PRRG1: variants seen among roughly 807,000 people sequenced by gnomAD.
PRRG1 encodes proline rich and Gla domain 1.
In PRRG1, 5 loss-of-function variants were observed where a neutral mutation model predicts 11.8. The observed-to-expected ratio is 0.42, with a 90% confidence interval of 0.22 to 0.89. The LOEUF is 0.89. PRRG1 is among the 40% of genes least tolerant of loss of function. PRRG1 has a pLI of 0.28. For missense variants in PRRG1, 155 were observed against 166.1 expected (o/e 0.93, Z 0.37); for synonymous variants, 66 against 60.4 (o/e 1.09, Z -0.43).
chrX:37,365,505 T>C (rs1930546932), intron 1 of PRRG1, among the ~76,000 whole-genome samples: 1 of 111,916 alleles, frequency 8.9e-6, no homozygotes, highest in Admixed American at 9.4e-5. Context: ...CCAACAAACT[T>C]CTAGCCTCCT....
intron 3 of PRRG1, among the ~76,000 whole-genome samples, chrX:37,446,420 TG>T (rs1933076489): frequency 8.9e-6 from 1 of 112,061 alleles, no homozygotes; most frequent in South Asian, 3.7e-4. Flanking sequence ...ATGGGTTACC[TG>T]TACCTGTTGA....
chrX:37,453,608 C>T lies in PRRG1; in HGVS notation c.644C>T (p.Thr215Ile), dbSNP rs1556397421. Residue 215 changes from threonine (T) to isoleucine (I), a missense_variant, in exon 4 of 4, where the codon ACC becomes ATC. Coordinates refer to ENST00000378628, the MANE Select transcript of PRRG1 (RefSeq NM_001142395.2). ...ASAIPMVPVV[T>I]TIK ...GCCATTCCTATGGTGCCTGTGGTCACCACCATCAAATGAAGCTGCAAACTT... is the reference window on the plus strand; with the variant it reads ...GCCATTCCTATGGTGCCTGTGGTCATCACCATCAAATGAAGCTGCAAACTT... The T allele has an allele frequency of 8.6e-7, 1 of 1,166,636 alleles. No individual in the cohort carries two copies.
intron 2 of PRRG1, among the ~76,000 whole-genome samples, chrX:37,406,711 T>G (rs1255989761): frequency 9.0e-6 from 1 of 111,316 alleles, no homozygotes; most frequent in Non-Finnish European, 1.9e-5. Flanking sequence ...TTTTTAAAAA[T>G]TTTAAAGCCC....
chrX:37,405,286 A>T (rs1556381705), intron 1 of PRRG1, among the ~76,000 whole-genome samples: 2 of 112,141 alleles, frequency 1.8e-5, no homozygotes, highest in African/African-American at 6.5e-5. Flanking sequence ...TTATGATAGG[A>T]AATGATTGAT....
At chrX:37,447,968 A>G (rs1402478052) in intron 3 of PRRG1, among the ~76,000 whole-genome samples, 1 of 112,046 alleles carries the variant, frequency 8.9e-6, no homozygotes, top group Non-Finnish European at 1.9e-5. Flanking sequence ...TTAGCAGTCA[A>G]TTTACATACT....
intron 3 of PRRG1, chrX:37,441,144 CA>C: frequency 1.3e-6 from 1 of 776,249 alleles, no homozygotes; most frequent in Non-Finnish European, 1.5e-6. Context: ...GCTATTATAC[CA>C]GAAACAAGAA....
chrX:37,365,603 AT>A (rs1236137365), intron 1 of PRRG1, among the ~76,000 whole-genome samples: 11 of 112,103 alleles, frequency 9.8e-5, no homozygotes, highest in African/African-American at 3.6e-4. Context: ...ATTAAAACTC[AT>A]TTTGTTGGAG....
At chrX:37,431,589 G>A (rs782323730) in intron 3 of PRRG1, among the ~76,000 whole-genome samples, 1 of 111,603 alleles carries the variant, frequency 9.0e-6, no homozygotes, top group African/African-American at 3.3e-5. Flanking sequence ...TTTCTGATGG[G>A]ATGTTTTATT....
intron 1 of PRRG1, among the ~76,000 whole-genome samples, chrX:37,356,279 A>G (rs1423677840): frequency 7.2e-5 from 8 of 111,592 alleles, no homozygotes; most frequent in Admixed American, 3.8e-4. Flanking sequence ...GTATTCATCT[A>G]TAGGTGAATA....
intron 2 of PRRG1, among the ~76,000 whole-genome samples, chrX:37,409,245 A>G (rs1556383038): frequency 8.9e-6 from 1 of 112,357 alleles, no homozygotes; most frequent in Non-Finnish European, 1.9e-5. Flanking sequence ...TGTATTTACT[A>G]GTAAGTGGAA....
intron 1 of PRRG1, among the ~76,000 whole-genome samples, chrX:37,350,013 G>T (rs1283128882): frequency 9.7e-6 from 1 of 102,624 alleles, no homozygotes; most frequent in Non-Finnish European, 2.0e-5. Flanking sequence ...GGGGGTGCGT[G>T]CGAGGTCGGT....
intron 2 of PRRG1, among the ~76,000 whole-genome samples, chrX:37,417,394 A>G (rs1301002186): frequency 9.0e-6 from 1 of 111,452 alleles, no homozygotes; most frequent in Non-Finnish European, 1.9e-5. Flanking sequence ...TATATGCTAT[A>G]CTAAACTCTA....
At chrX:37,421,440 T>G (rs1472404912) in intron 2 of PRRG1, among the ~76,000 whole-genome samples, 4 of 111,978 alleles carry the variant, frequency 3.6e-5, no homozygotes, top group African/African-American at 1.3e-4. Flanking sequence ...TGATTCCTGA[T>G]AGCTGTAATT....
intron 2 of PRRG1, among the ~76,000 whole-genome samples, chrX:37,413,570 G>A (rs781934021): frequency 3.6e-5 from 4 of 111,527 alleles, no homozygotes; most frequent in South Asian, 3.8e-4. Context: ...CCATGAAACC[G>A]TCTTCTAAGT....
intron 3 of PRRG1, among the ~76,000 whole-genome samples, chrX:37,432,556 C>T (rs1314440536): frequency 9.0e-6 from 1 of 111,384 alleles, no homozygotes; most frequent in African/African-American, 3.3e-5. Flanking sequence ...TCTGTACTTC[C>T]GGCATCACCT....
intron 1 of PRRG1, among the ~76,000 whole-genome samples, chrX:37,381,436 A>T (rs1931150853): frequency 9.0e-6 from 1 of 111,690 alleles, no homozygotes; most frequent in Non-Finnish European, 1.9e-5. Flanking sequence ...ACACTGGATA[A>T]TTTTTCTGTC....
At chrX:37,398,523 G>C (rs1373721224) in intron 1 of PRRG1, among the ~76,000 whole-genome samples, 1 of 111,649 alleles carries the variant, frequency 9.0e-6, no homozygotes, top group Admixed American at 9.5e-5. Flanking sequence ...AAACCACAAA[G>C]ATGGGGAAAA....
intron 1 of PRRG1, among the ~76,000 whole-genome samples, chrX:37,365,304 A>G (rs1556368978): frequency 9.0e-6 from 1 of 111,285 alleles, no homozygotes; most frequent in African/African-American, 3.3e-5. Context: ...CTGCATGACT[A>G]CTTTCTCCAG....
In PRRG1 at chrX:37,446,185, C is replaced by T. The variant is rs148399086; in HGVS notation, c.172-6951C>T. On this transcript the variant is annotated intron_variant, in intron 3 of 3. Transcript: ENST00000378628. ...AGATGATAATGATTTAATATAGCAC[C>T]TCCATGTAAGAGGAGTATAGAAGAT... is the stretch of plus-strand genomic sequence containing the variant. 3.6e-4 allele frequency among the ~76,000 whole-genome samples: 40 copies of T among 112,108 alleles called. 1 individual carries two copies. In the East Asian group the frequency reaches 0.011, roughly 31 times the overall value.
Sources: allele counts gnomAD v4.1 joint callset (sites outside exome capture counted in the v4.1 genomes callset), GRCh38; gene constraint gnomAD v4.1.1; transcripts MANE v1.5; gene names NCBI Gene and HGNC (gene_info 2026-07-23, HGNC 2026-07-21).